Variants in NRXN3 observed in about 807,000 individuals in gnomAD.
NRXN3 encodes the protein neurexin III.
Under a neutral mutation model 137.6 loss-of-function variants are expected in NRXN3, and 32 were observed. The observed-to-expected ratio is 0.23, with a 90% confidence interval of 0.18 to 0.31. NRXN3 has a LOEUF of 0.31. NRXN3 is among the 10% of genes least tolerant of loss of function. The pLI is 1.00. For synonymous variants in NRXN3, 798 were observed against 784.5 expected, an observed-to-expected ratio of 1.02 and a Z score of -0.29; for missense variants, 1,574 against 2,062.5, an observed-to-expected ratio of 0.76 and a Z score of 4.59.
At chr14:79,717,645 G>T (rs1465518795) in intron 19 of NRXN3, among the ~76,000 whole-genome samples, 1 of 152,122 alleles carries the variant, frequency 6.6e-6, no homozygotes, top group Non-Finnish European at 1.5e-5. Context: ...TGAAAATAAT[G>T]CTCCGTGGGC....
chr14:79,776,088 G>A (rs1031383303), intron 19 of NRXN3, among the ~76,000 whole-genome samples: 9 of 152,142 alleles, frequency 5.9e-5, no homozygotes, highest in African/African-American at 4.8e-5. Context: ...GCAGACAAAC[G>A]TTGGCATCAT....
chr14:78,914,180 G>A (rs1031112826), intron 10 of NRXN3, among the ~76,000 whole-genome samples: 1 of 152,128 alleles, frequency 6.6e-6, no homozygotes, highest in Non-Finnish European at 1.5e-5. Flanking sequence ...TCCATCTCCT[G>A]TGTGTGCATG....
intron 15 of NRXN3, among the ~76,000 whole-genome samples, chr14:79,087,118 TC>T (rs1297781636): frequency 3.3e-5 from 5 of 152,178 alleles, no homozygotes; most frequent in African/African-American, 1.2e-4. Context: ...CCCTGGCCTG[TC>T]CCTTGGAACA....
intron 15 of NRXN3, among the ~76,000 whole-genome samples, chr14:79,250,046 C>T (rs990263436): frequency 2.0e-5 from 3 of 152,154 alleles, no homozygotes; most frequent in African/African-American, 7.2e-5. Flanking sequence ...TCTGTAAGTG[C>T]TACCAGCTGG....
At chr14:78,984,698 T>TAG (rs1196492200) in intron 14 of NRXN3, among the ~76,000 whole-genome samples, 1 of 152,180 alleles carries the variant, frequency 6.6e-6, no homozygotes, top group Non-Finnish European at 1.5e-5. Flanking sequence ...CCCCAGTCAG[T>TAG]AGGTCTGGGT....
intron 4 of NRXN3, among the ~76,000 whole-genome samples, chr14:78,354,696 C>T (rs2084017067): frequency 6.6e-6 from 1 of 152,182 alleles, no homozygotes; most frequent in South Asian, 2.1e-4. Context: ...AGTGTCTTAC[C>T]ATGCCTGAAA....
rs2097554999 is a variant in NRXN3, at chr14:79,566,819, C to T, written c.3445-96959C>T. ...TTGGAACACTTTGTTCATCCTCTAG[C>T]AATGTCTGATAAGTTAGTTATCATT... On this transcript the variant is annotated intron_variant, in intron 16 of 20. Transcript: ENST00000335750. Among the ~76,000 whole-genome samples the T allele has an allele frequency of 1.3e-5, 2 of 152,210 alleles. 1 individual carries two copies.
At chr14:78,966,719 C>T (rs906930735) in intron 12 of NRXN3, among the ~76,000 whole-genome samples, 1 of 152,166 alleles carries the variant, frequency 6.6e-6, no homozygotes, top group Non-Finnish European at 1.5e-5. Flanking sequence ...GCATCTAATT[C>T]TTGAGTATTA....
At chr14:79,176,487 A>G (rs566625228) in intron 15 of NRXN3, among the ~76,000 whole-genome samples, 100 of 151,918 alleles carry the variant, frequency 6.6e-4, no homozygotes, top group Non-Finnish European at 1.3e-3. Flanking sequence ...TGATGTACAG[A>G]CTCTTCCCAC....
intron 15 of NRXN3, among the ~76,000 whole-genome samples, chr14:79,206,361 A>G (rs2066786352): frequency 6.6e-6 from 1 of 152,192 alleles, no homozygotes; most frequent in African/African-American, 2.4e-5. Context: ...TCACTGAATC[A>G]CAGAAGGAAG....
chr14:78,827,398 C>T (rs1348883495), intron 10 of NRXN3, among the ~76,000 whole-genome samples: 7 of 152,044 alleles, frequency 4.6e-5, no homozygotes, highest in East Asian at 1.9e-4. Flanking sequence ...AACATATGGA[C>T]GCATATATAT....
chr14:78,766,933 C>T (rs981193648), intron 8 of NRXN3, among the ~76,000 whole-genome samples: 3 of 152,200 alleles, frequency 2.0e-5, no homozygotes, highest in Non-Finnish European at 2.9e-5. Flanking sequence ...AGGTCCTCAA[C>T]ACTCAGATTG....
At chr14:78,675,761 T>C (rs1177564054) in intron 6 of NRXN3, among the ~76,000 whole-genome samples, 1 of 152,202 alleles carries the variant, frequency 6.6e-6, no homozygotes, top group Non-Finnish European at 1.5e-5. Flanking sequence ...ATACCTCATT[T>C]TATTGCTCTT....
chr14:78,967,191 T>G lies in NRXN3; in HGVS notation c.2778-17T>G. 2.5e-6 allele frequency: 4 copies of G among 1,581,538 alleles called. No individual in the cohort carries two copies. Among genetic ancestry groups the G allele is most frequent in the Non-Finnish European group, 2.6e-6 (3 of 1,166,524 alleles). On this transcript the variant is annotated splice_polypyrimidine_tract_variant and intron_variant, in intron 12 of 20. Coordinates refer to ENST00000335750, the MANE Select transcript of NRXN3 (RefSeq NM_001330195.2). The stretch of plus-strand genomic sequence containing the variant: ...GGGGATTTTCCAATTATTGTTTTTT[T>G]TTTTTTTTCTTCCTAGGTATATACA...
At chr14:79,620,781 C>T (rs762943529) in intron 16 of NRXN3, among the ~76,000 whole-genome samples, 2 of 151,832 alleles carry the variant, frequency 1.3e-5, no homozygotes, top group Non-Finnish European at 2.9e-5. Flanking sequence ...AGTCAAAGGC[C>T]AAGTAAGAGG....
intron 16 of NRXN3, among the ~76,000 whole-genome samples, chr14:79,582,655 G>A (rs1002017628): frequency 3.3e-5 from 5 of 150,618 alleles, no homozygotes; most frequent in South Asian, 4.2e-4. Flanking sequence ...TCTTGATCTC[G>A]TGATCTGCCC....
intron 15 of NRXN3, among the ~76,000 whole-genome samples, chr14:79,084,266 T>C (rs1266994056): frequency 6.6e-6 from 1 of 152,072 alleles, no homozygotes; most frequent in Admixed American, 6.6e-5. Flanking sequence ...CTAATTGTGG[T>C]GATGGTTACA....
chr14:78,520,503 G>A (rs980783225), intron 4 of NRXN3, among the ~76,000 whole-genome samples: 4 of 152,140 alleles, frequency 2.6e-5, no homozygotes, highest in African/African-American at 7.2e-5. Context: ...CAAACAATGG[G>A]CATGTCTCAC....
At chr14:79,076,830 G>T (rs761995969) in intron 15 of NRXN3, among the ~76,000 whole-genome samples, 12 of 152,256 alleles carry the variant, frequency 7.9e-5, no homozygotes, top group African/African-American at 2.6e-4. Context: ...CTGAGATGGC[G>T]TGTAAAAAGT....
Sources: allele counts gnomAD v4.1 joint callset (sites outside exome capture counted in the v4.1 genomes callset), GRCh38; gene constraint gnomAD v4.1.1; transcripts MANE v1.5; gene names NCBI Gene and HGNC (gene_info 2026-07-23, HGNC 2026-07-21).